The following HYAL4 variants were observed in gnomAD, a reference collection of about 807,000 sequenced individuals.
The protein encoded by HYAL4 is hyaluronidase 4.
In HYAL4, 37 loss-of-function variants were observed where a neutral mutation model predicts 35.2. The ratio of observed to expected loss-of-function variants is 1.05; its 90% CI spans 0.81 to 1.38. The LOEUF (loss-of-function observed/expected upper bound fraction) is 1.38, where lower values mean the gene tolerates loss of function less well. HYAL4 is among the 40% of genes most tolerant of loss of function. The pLI is 0.00. For synonymous variants in HYAL4, 198 were observed against 203.2 expected (o/e 0.97, Z 0.22); for missense variants, 572 against 572.4 (o/e 1.00, Z 0.01).
upstream of HYAL4, among the ~76,000 whole-genome samples, chr7:123,827,634 C>T (rs1805817249): frequency 9.2e-5 from 14 of 152,238 alleles, no homozygotes; most frequent in South Asian, 2.9e-3. Context: ...GTGCCTGTAA[C>T]AAATAATATT....
intron 1 of HYAL4, among the ~76,000 whole-genome samples, chr7:123,834,221 G>A (rs941518421): frequency 5.3e-5 from 8 of 152,070 alleles, no homozygotes; most frequent in African/African-American, 1.9e-4. Flanking sequence ...CATGAGCATG[G>A]GATGTGTTTC....
upstream of HYAL4, among the ~76,000 whole-genome samples, chr7:123,840,235 A>T (rs1325085410): frequency 6.6e-6 from 1 of 152,188 alleles, no homozygotes; most frequent in African/African-American, 2.4e-5. Context: ...ACCATTTATT[A>T]AATAGGGAAT....
At chr7:123,854,904 C>G (rs1160886399) in intron 2 of HYAL4, among the ~76,000 whole-genome samples, 1 of 152,118 alleles carries the variant, frequency 6.6e-6, no homozygotes, top group Non-Finnish European at 1.5e-5. Flanking sequence ...TCTGGGTGCT[C>G]CTGTATTGGG....
the HYAL4 span, among the ~76,000 whole-genome samples, chr7:123,764,772 C>A: frequency 6.6e-6 from 1 of 152,214 alleles, no homozygotes; most frequent in African/African-American, 2.4e-5. Context: ...CCAAAGTCAT[C>A]CTCTGTAGCC....
the HYAL4 span, among the ~76,000 whole-genome samples, chr7:123,805,131 T>C: frequency 6.6e-6 from 1 of 152,230 alleles, no homozygotes; most frequent in Non-Finnish European, 1.5e-5. Flanking sequence ...TAATATAATC[T>C]CAATAAAGAT....
At chr7:123,789,417 AG>A in the HYAL4 span, among the ~76,000 whole-genome samples, 57 of 152,312 alleles carry the variant, frequency 3.7e-4, 1 homozygote, top group East Asian at 0.011. Context: ...ACATGATGCA[AG>A]GAACACCTTG....
At chr7:123,863,471 TAGG>T (rs1231375487) in intron 2 of HYAL4, among the ~76,000 whole-genome samples, 1 of 152,048 alleles carries the variant, frequency 6.6e-6, no homozygotes, top group Non-Finnish European at 1.5e-5. Context: ...AAGAGGGTAT[TAGG>T]AGGAAACTAT....
the HYAL4 span, among the ~76,000 whole-genome samples, chr7:123,823,657 G>GT: frequency 6.7e-6 from 1 of 148,542 alleles, no homozygotes; most frequent in Non-Finnish European, 1.5e-5. Context: ...TATTCTATTT[G>GT]TTTTTTCATT....
chr7:123,849,496 T>C (rs1292879746), intron 2 of HYAL4, among the ~76,000 whole-genome samples: 2 of 152,086 alleles, frequency 1.3e-5, no homozygotes, highest in African/African-American at 4.8e-5. Context: ...CAGACAGGGT[T>C]TCATCATATT....
At chr7:123,772,518 A>G in the HYAL4 span, among the ~76,000 whole-genome samples, 1 of 152,228 alleles carries the variant, frequency 6.6e-6, no homozygotes, top group Non-Finnish European at 1.5e-5. Context: ...ATTGAAAACA[A>G]TGTTTCTGTT....
At chr7:123,822,324 A>G in the HYAL4 span, among the ~76,000 whole-genome samples, 1 of 152,042 alleles carries the variant, frequency 6.6e-6, no homozygotes. Flanking sequence ...TTTTATCAAT[A>G]TTATGTAGTT....
chr7:123,799,665 A>G, the HYAL4 span, among the ~76,000 whole-genome samples: 1 of 151,408 alleles, frequency 6.6e-6, no homozygotes, highest in Admixed American at 6.6e-5. Flanking sequence ...AATGTTAGCA[A>G]CATTTTGCTA....
intron 2 of HYAL4, among the ~76,000 whole-genome samples, chr7:123,866,110 A>C (rs1806681391): frequency 6.6e-6 from 1 of 152,222 alleles, no homozygotes; most frequent in Non-Finnish European, 1.5e-5. Flanking sequence ...ATTCAAGATG[A>C]GATTTGGCTG....
At chr7:123,859,255 C>T (rs1183001365) in intron 2 of HYAL4, among the ~76,000 whole-genome samples, 3 of 152,122 alleles carry the variant, frequency 2.0e-5, no homozygotes, top group Non-Finnish European at 4.4e-5. Flanking sequence ...AATTTCTCCA[C>T]ATACTTTTAT....
the HYAL4 span, among the ~76,000 whole-genome samples, chr7:123,799,687 A>G: frequency 5.9e-5 from 9 of 152,024 alleles, 1 homozygote; most frequent in African/African-American, 1.2e-4. Context: ...CATTTTTGTT[A>G]ATAATTTTTC....
intron 2 of HYAL4, among the ~76,000 whole-genome samples, chr7:123,853,375 T>A (rs1484146975): frequency 6.6e-6 from 1 of 152,222 alleles, no homozygotes; most frequent in African/African-American, 2.4e-5. Flanking sequence ...GGGTTTGTCA[T>A]AAATAGCTCT....
the HYAL4 span, among the ~76,000 whole-genome samples, chr7:123,823,825 C>G: frequency 4.0e-5 from 6 of 151,138 alleles, no homozygotes; most frequent in South Asian, 2.1e-4. Context: ...CTAGATAGTA[C>G]ATACAAAATA....
At chr7:123,780,349 A>G in the HYAL4 span, among the ~76,000 whole-genome samples, 2 of 152,226 alleles carry the variant, frequency 1.3e-5, no homozygotes, top group African/African-American at 2.4e-5. Context: ...TTTAATCTTT[A>G]TCAGCCTAGT....
At chr7:123,871,343 C>A (rs552869702) in intron 3 of HYAL4, among the ~76,000 whole-genome samples, 1 of 152,096 alleles carries the variant, frequency 6.6e-6, no homozygotes, top group Non-Finnish European at 1.5e-5. Context: ...CTGCATGCGC[C>A]GCCATGCCCA....
Sources: allele counts gnomAD v4.1 joint callset (sites outside exome capture counted in the v4.1 genomes callset), GRCh38; gene constraint gnomAD v4.1.1; transcripts MANE v1.5; gene names NCBI Gene and HGNC (gene_info 2026-07-23, HGNC 2026-07-21).